The following AKAP10 variants were observed in gnomAD, a reference collection of about 807,000 sequenced individuals.
AKAP10 encodes A-kinase anchoring protein 10.
In AKAP10, 24 loss-of-function variants were observed where a neutral mutation model predicts 80.8. The observed-to-expected ratio is 0.30, with a 90% CI of 0.22 to 0.42. AKAP10 has a LOEUF of 0.42. Among genes scored for constraint, AKAP10 ranks in the 10% least tolerant of loss-of-function variants. AKAP10 has a pLI of 1.00. For synonymous variants in AKAP10, 291 were observed against 277.7 expected, an observed-to-expected ratio of 1.05 and a Z score of -0.48; for missense variants, 661 against 794.9, an observed-to-expected ratio of 0.83 and a Z score of 2.03.
At chr17:19,937,866 T>C (rs2043008878) in intron 8 of AKAP10, among the ~76,000 whole-genome samples, 1 of 151,892 alleles carries the variant, frequency 6.6e-6, no homozygotes, top group African/African-American at 2.4e-5. Context: ...ACTACATCCC[T>C]AAACTGGCTA....
intron 1 of AKAP10, among the ~76,000 whole-genome samples, chr17:19,975,991 T>A (rs113749692): frequency 1.3e-5 from 2 of 152,334 alleles, no homozygotes; most frequent in African/African-American, 4.8e-5. Context: ...CATGCATTCA[T>A]CACCTGGCAT....
rs922193758 is a variant in AKAP10, at chr17:19,906,057, G to T, written c.*170C>A. ...TCATGTGCATCAATTATGCCTACAG[G>T]TAACTGCATTATGGTGGAAGTCTAG... is the stretch of plus-strand genomic sequence containing the variant. On this transcript the variant is annotated 3_prime_UTR_variant, in exon 15 of 15. Coordinates refer to ENST00000225737, the MANE Select transcript of AKAP10 (RefSeq NM_007202.4). The T allele has an allele frequency of 3.1e-6, 2 of 651,718 alleles. No individual in the cohort carries two copies. Among genetic ancestry groups the T allele is most frequent in the Non-Finnish European group, 5.2e-6 (2 of 382,568 alleles). The allele number at this position is 651,718 out of a possible 1,614,324, so 40.4% of individuals were successfully genotyped here.
At chr17:19,941,188 T>C (rs895131976) in intron 6 of AKAP10, among the ~76,000 whole-genome samples, 178 bp from the exon 7 acceptor site, 2 of 152,240 alleles carry the variant, frequency 1.3e-5, no homozygotes, top group Non-Finnish European at 1.5e-5. Context: ...CCCACCTTTT[T>C]ATGACTTTGT....
chr17:19,920,887 C>CAAAAAAAAAAAAAAAAAAAAAAAAAA (rs2042805303), intron 11 of AKAP10, among the ~76,000 whole-genome samples: 6 of 66,882 alleles, frequency 9.0e-5, no homozygotes, highest in African/African-American at 3.8e-4. Context: ...AAAAAAAAAG[C>CAAAAAAAAAAAAAAAAAAAAAAAAAA]AAAAAATACA....
intron 12 of AKAP10, among the ~76,000 whole-genome samples, chr17:19,917,290 C>A (rs1034213249): frequency 1.7e-4 from 25 of 149,972 alleles, no homozygotes; most frequent in Non-Finnish European, 3.0e-5. Context: ...AACAAACAAA[C>A]AAAAAAAAAC....
At chr17:19,936,469 T>C (rs771136182) in intron 8 of AKAP10, 39 bp from the exon 9 acceptor site, 12 of 1,572,072 alleles carry the variant, frequency 7.6e-6, no homozygotes, top group African/African-American at 6.8e-5. Flanking sequence ...TCAAATTCCA[T>C]AGCAAGTATA....
intron 5 of AKAP10, among the ~76,000 whole-genome samples, chr17:19,944,280 T>C (rs1343087222): frequency 6.6e-6 from 1 of 152,174 alleles, no homozygotes; most frequent in Non-Finnish European, 1.5e-5. Flanking sequence ...TCCCCTCTCC[T>C]ACATCAACTT....
chr17:19,966,871 C>T (rs528986631), intron 2 of AKAP10, among the ~76,000 whole-genome samples: 46 of 152,080 alleles, frequency 3.0e-4, no homozygotes, highest in Admixed American at 1.2e-3. Flanking sequence ...TTGAGAAGGG[C>T]TTTAAGCCTT....
intron 7 of AKAP10, 36 bp downstream of exon 7, chr17:19,940,851 G>A: frequency 6.4e-7 from 1 of 1,558,420 alleles, no homozygotes. Context: ...AGGCTGGAAT[G>A]CTCGAATAGA....
At chr17:19,932,618 T>TA (rs913424722) in intron 9 of AKAP10, among the ~76,000 whole-genome samples, 36 of 152,264 alleles carry the variant, frequency 2.4e-4, no homozygotes, top group Admixed American at 2.6e-4. Context: ...TGATAAATGT[T>TA]AAAGTCTTTG....
intron 1 of AKAP10, among the ~76,000 whole-genome samples, chr17:19,972,800 T>TATTTTCC (rs2043515680): frequency 6.6e-6 from 1 of 152,186 alleles, no homozygotes; most frequent in South Asian, 2.1e-4. Flanking sequence ...ACATGGATTA[T>TATTTTCC]ATTTTCCTGT....
At chr17:19,951,246 G>A (rs796922784) in intron 4 of AKAP10, among the ~76,000 whole-genome samples, 5 of 102,338 alleles carry the variant, frequency 4.9e-5, no homozygotes, top group South Asian at 2.9e-4. Flanking sequence ...GTCAGCCCCC[G>A]CCCGGCCAGC....
At chr17:19,934,455 C>T (rs1437776237) in intron 9 of AKAP10, among the ~76,000 whole-genome samples, 2 of 152,120 alleles carry the variant, frequency 1.3e-5, no homozygotes, top group Non-Finnish European at 2.9e-5. Flanking sequence ...TCATGCAATC[C>T]TCCAGCTTCA....
chr17:19,908,776 A>T (rs1216750566), intron 14 of AKAP10, among the ~76,000 whole-genome samples: 1 of 152,030 alleles, frequency 6.6e-6, no homozygotes, highest in Non-Finnish European at 1.5e-5. Context: ...AATAGTTGGG[A>T]TTACAGGTGC....
At chr17:19,953,032 AAATT>A (rs1299514879) in intron 4 of AKAP10, among the ~76,000 whole-genome samples, 5 of 152,108 alleles carry the variant, frequency 3.3e-5, no homozygotes, top group African/African-American at 7.2e-5. Context: ...TTATTTTTAA[AAATT>A]AATAAATGAA....
chr17:19,958,842 C>CTTCT (rs2043313951), intron 3 of AKAP10, among the ~76,000 whole-genome samples: 1 of 92,936 alleles, frequency 1.1e-5, no homozygotes, highest in Non-Finnish European at 2.4e-5. Context: ...CATGTAAATT[C>CTTCT]TTTTTTTTTT....
intron 7 of AKAP10, among the ~76,000 whole-genome samples, chr17:19,940,430 A>G (rs1279176736): frequency 6.6e-6 from 1 of 152,168 alleles, no homozygotes; most frequent in East Asian, 1.9e-4. Flanking sequence ...ATTATACTAA[A>G]CTGTATGCCT....
intron 2 of AKAP10, among the ~76,000 whole-genome samples, chr17:19,967,211 G>A (rs1479311055): frequency 6.6e-6 from 1 of 152,102 alleles, no homozygotes; most frequent in Non-Finnish European, 1.5e-5. Flanking sequence ...TTCAATCTCT[G>A]TACACTGGAC....
At chr17:19,909,370 T>C (rs1597485993) in intron 13 of AKAP10, 94 bp from the exon 14 acceptor site, 2 of 1,065,920 alleles carry the variant, frequency 1.9e-6, no homozygotes, top group East Asian at 5.3e-5. Context: ...CTTACGCACA[T>C]AATTTCTACT....
Sources: gnomAD v4.1 joint callset for allele counts (sites outside exome capture counted in the v4.1 genomes callset) on GRCh38, gnomAD v4.1.1 for gene constraint, MANE v1.5 for transcripts, NCBI Gene and HGNC (gene_info 2026-07-23, HGNC 2026-07-21) for gene names.